The following HMCN1 variants were observed in gnomAD, a reference collection of about 807,000 sequenced individuals.
HMCN1 encodes the protein hemicentin 1.
Under a neutral mutation model 625.9 loss-of-function variants are expected in HMCN1, and 321 were observed. The observed-to-expected ratio is 0.51, with a 90% CI of 0.47 to 0.56. HMCN1 has a LOEUF of 0.56. HMCN1 is among the 20% of genes least tolerant of loss of function. The probability of loss-of-function intolerance (pLI) is 0.00; values close to 1 mark genes in which losing one functional copy is unlikely to be tolerated. For missense variants in HMCN1, 6,588 were observed against 6,887.3 expected, an observed-to-expected ratio of 0.96 and a Z score of 1.54; for synonymous variants, 2,425 against 2,417.6, an observed-to-expected ratio of 1.00 and a Z score of -0.09.
chr1:185,922,396 G>C lies in HMCN1; in HGVS notation c.918G>C (p.Arg306Ser). Residue 306 changes from arginine (R) to serine (S), a missense_variant, in exon 7 of 107, where the codon AGG (arginine) becomes AGC (serine). Arg to Ser is a moderately radical substitution (Grantham distance 110). Around this residue, in one of 3 missense-constraint regions of HMCN1, gnomAD observed 4,628 missense variants for 4,853.1 expected, o/e 0.95. Transcript: ENST00000271588. Reference sequence around the variant, plus strand: ...ATTTTCAGACCTCAAGCAGTGGAAGGCACTCTGTTCGCATTACTGGCCTCA... The same window carrying C: ...ATTTTCAGACCTCAAGCAGTGGAAGCCACTCTGTTCGCATTACTGGCCTCA... ...MWTVKTSSSG[R>S]HSVRITGLST... 1 of 1,613,474 alleles carries C rather than the reference G, an allele frequency of 6.2e-7. No homozygotes were observed. The highest frequency in any genetic ancestry group is 8.5e-7 in the Non-Finnish European group (1 of 1,179,764).
intron 91 of HMCN1, among the ~76,000 whole-genome samples, chr1:186,145,045 C>A (rs1439078571): frequency 6.6e-6 from 1 of 152,196 alleles, no homozygotes; most frequent in East Asian, 1.9e-4. Flanking sequence ...GATTTTTAGA[C>A]CCTTGCAGCA....
chr1:186,089,776 C>T (rs1659735401), intron 63 of HMCN1, among the ~76,000 whole-genome samples: 1 of 131,078 alleles, frequency 7.6e-6, no homozygotes, highest in Admixed American at 8.4e-5. Flanking sequence ...TATAGGATGT[C>T]TCTTATTACT....
rs777055784 is a variant in HMCN1, at chr1:186,090,840, A to G, written c.9810A>G (p.Ala3270=). The G allele has an allele frequency of 8.1e-6, 13 of 1,612,644 alleles. No homozygotes were observed. Among genetic ancestry groups the G allele is most frequent in the Non-Finnish European group, 1.1e-5 (13 of 1,179,016 alleles). The change falls in exon 64 of 107, where the codon GCA becomes GCG. Residue 3270 remains alanine, a synonymous_variant. Coordinates refer to ENST00000271588, the MANE Select transcript of HMCN1 (RefSeq NM_031935.3). ...AAAATGTTGAGCTGGTCTGCAATGC[A>G]AATGGCATTCCTACTCCACTTATTC... ...LGENVELVCN[A]NGIPTPLIQW...
At chr1:186,041,697 G>T (rs1384004325) in intron 40 of HMCN1, among the ~76,000 whole-genome samples, 1 of 152,104 alleles carries the variant, frequency 6.6e-6, no homozygotes, top group African/African-American at 2.4e-5. Context: ...GAAAGTTGGG[G>T]CCTCTTGATC....
chr1:186,011,174 T>A (rs1184763948), intron 30 of HMCN1, among the ~76,000 whole-genome samples: 1 of 152,032 alleles, frequency 6.6e-6, no homozygotes, highest in Admixed American at 6.6e-5. Flanking sequence ...GCTTCCCGAG[T>A]AGCTGGGATT....
At chr1:185,782,052 T>A (rs369455047) in intron 1 of HMCN1, among the ~76,000 whole-genome samples, 1 of 152,218 alleles carries the variant, frequency 6.6e-6, no homozygotes, top group South Asian at 2.1e-4. Flanking sequence ...CATATATATT[T>A]AGGATAGTTA....
chr1:185,809,107 T>C (rs934879275), intron 1 of HMCN1, among the ~76,000 whole-genome samples: 2 of 152,162 alleles, frequency 1.3e-5, no homozygotes, highest in African/African-American at 2.4e-5. Flanking sequence ...ATAAGCACTT[T>C]ATTAACGTCT....
chr1:186,021,797 G>T (rs185258456), intron 35 of HMCN1, among the ~76,000 whole-genome samples: 5 of 151,948 alleles, frequency 3.3e-5, no homozygotes, highest in African/African-American at 9.7e-5. Flanking sequence ...TTGGTTAAAG[G>T]ATCAAATTTG....
chr1:185,734,812 C>A lies in HMCN1; in HGVS notation c.33C>A (p.Phe11Leu). The A allele has an allele frequency of 6.2e-7, 1 of 1,613,976 alleles. No homozygotes were observed. Among genetic ancestry groups the A allele is most frequent in the Non-Finnish European group, 8.5e-7 (1 of 1,179,900 alleles). ...CCTGGGAAGTTGTCCATACAGTATT[C>A]CTGTTTGCTCTTCTTTATTCTTCCC... MISWEVVHTV[F>L]LFALLYSSLA... The change falls in exon 1 of 107, where the codon TTC becomes TTA. Residue 11 changes from phenylalanine (F) to leucine (L), a missense_variant. By Grantham distance (22) the Phe-to-Leu change is conservative. This residue lies in a region of HMCN1 where 4,628 missense variants were observed against 4,853.1 expected (regional missense o/e 0.95). Coordinates refer to ENST00000271588, the MANE Select transcript of HMCN1 (RefSeq NM_031935.3).
intron 96 of HMCN1, among the ~76,000 whole-genome samples, chr1:186,153,318 CTT>C (rs1650788973): frequency 6.6e-6 from 1 of 152,004 alleles, no homozygotes; most frequent in African/African-American, 2.4e-5. Flanking sequence ...AGGGTTCAAA[CTT>C]TATGTTATTT....
At position 186,015,439 on chromosome 1, in the gene HMCN1, T is replaced by C. The variant is rs1485104283; in HGVS notation, c.4909+2T>C. 1 of 1,613,070 alleles carries C rather than the reference T, an allele frequency of 6.2e-7. No homozygotes were observed. Among genetic ancestry groups the C allele is most frequent in the Non-Finnish European group, 8.5e-7 (1 of 1,179,342 alleles). On this transcript the variant is annotated splice_donor_variant, in intron 31 of 106. Coordinates refer to ENST00000271588, the MANE Select transcript of HMCN1 (RefSeq NM_031935.3). LOFTEE classifies it high-confidence loss of function. The stretch of plus-strand genomic sequence containing the variant: ...AATCATTCCATGTGGATGTCTATGG[T>C]GAGGAACAACATATGCTTTAATTAT...
intron 1 of HMCN1, among the ~76,000 whole-genome samples, chr1:185,774,269 T>G (rs1656449529): frequency 1.3e-5 from 2 of 152,104 alleles, no homozygotes; most frequent in Non-Finnish European, 2.9e-5. Context: ...TAGATGTGAT[T>G]GATGGGATGG....
intron 10 of HMCN1, among the ~76,000 whole-genome samples, chr1:185,930,954 A>C (rs10047250): frequency 0.1 from 15,649 of 151,482 alleles, 2,198 homozygotes; most frequent in African/African-American, 0.32. Context: ...AGAGTACTAA[A>C]ATTCTGAGTT....
intron 17 of HMCN1, 49 bp downstream of exon 17, chr1:185,981,122 C>A: frequency 9.3e-7 from 1 of 1,077,512 alleles, no homozygotes; most frequent in Non-Finnish European, 1.4e-6. Flanking sequence ...AGTCATCAGA[C>A]TTCTTTTACT....
At chr1:186,069,612 T>C in intron 50 of HMCN1, 51 bp from the exon 51 acceptor site, 1 of 1,160,940 alleles carries the variant, frequency 8.6e-7, no homozygotes, top group Non-Finnish European at 1.3e-6. Context: ...CTGTGTGTAC[T>C]CCACTGTCAC....
At chr1:185,795,611 G>T (rs2102211259) in intron 1 of HMCN1, among the ~76,000 whole-genome samples, 1 of 152,282 alleles carries the variant, frequency 6.6e-6, no homozygotes, top group South Asian at 2.1e-4. Flanking sequence ...CTCAGAAAAA[G>T]ACATGACCTC....
At chr1:185,895,749 T>A (rs1665446855) in intron 4 of HMCN1, among the ~76,000 whole-genome samples, 1 of 152,192 alleles carries the variant, frequency 6.6e-6, no homozygotes, top group African/African-American at 2.4e-5. Flanking sequence ...ATGGAGTGCA[T>A]GTTAAGAGCC....
At chr1:185,941,398 G>A (rs1668073667) in intron 11 of HMCN1, among the ~76,000 whole-genome samples, 1 of 152,128 alleles carries the variant, frequency 6.6e-6, no homozygotes, top group South Asian at 2.1e-4. Flanking sequence ...AAATTAAAGA[G>A]TGTCATAAAA....
intron 4 of HMCN1, among the ~76,000 whole-genome samples, chr1:185,886,269 C>G (rs1664644964): frequency 6.6e-6 from 1 of 150,970 alleles, no homozygotes; most frequent in Non-Finnish European, 1.5e-5. Context: ...AGAGAGACAG[C>G]AGAAAGAAAA....
Sources: allele counts gnomAD v4.1 joint callset (sites outside exome capture counted in the v4.1 genomes callset), GRCh38; gene constraint gnomAD v4.1.1; regional missense constraint gnomAD v4.1.1; transcripts MANE v1.5; gene names NCBI Gene and HGNC (gene_info 2026-07-23, HGNC 2026-07-21).